Variants in G3BP2 observed in about 807,000 individuals in gnomAD.
The protein encoded by G3BP2 is ras GTPase-activating protein-binding protein 2.
Under a neutral mutation model 56.7 loss-of-function variants are expected in G3BP2, and 11 were observed. The observed-to-expected ratio is 0.19, with a 90% CI of 0.12 to 0.32. G3BP2 has a LOEUF of 0.32. Among genes scored for constraint, G3BP2 ranks in the 10% least tolerant of loss-of-function variants. The pLI is 1.00. For missense variants in G3BP2, 340 were observed against 610.9 expected (o/e 0.56, Z 4.67); for synonymous variants, 165 against 191.6 (o/e 0.86, Z 1.15).
chr4:75,646,588 G>GT, intron 10 of G3BP2, 132 bp from the exon 11 acceptor site: 1 of 660,656 alleles, frequency 1.5e-6, no homozygotes, highest in East Asian at 2.7e-5. Context: ...TCTACACACA[G>GT]TGATAGCCAA....
chr4:75,716,489 G>GT lies in G3BP2; in HGVS notation c.-25+4387dup, dbSNP rs549925089. Among the ~76,000 whole-genome samples the GT allele has an allele frequency of 9.4e-3, 1,368 of 145,530 alleles. 16 individuals carry two copies. The highest frequency in any genetic ancestry group is 0.03 in the African/African-American group (1,195 of 39,298). ...CACACCCGGCCCTCTTCTAGTTCTT[G>GT]TTTTTTTTTGTTTTTCTTTGTTTTG... On this transcript the variant is annotated intron_variant, in intron 3 of 3. Transcript: ENST00000499709.
rs1487995360 is a variant in G3BP2 at position 75,643,392 on chromosome 4, G to C, written c.*2038C>G. 1.8e-4 allele frequency: 27 copies of C among 146,744 alleles called. No individual in the cohort carries two copies. The allele number at this position is 146,744 out of a possible 1,614,324, so 9.1% of individuals were successfully genotyped here. A position where few individuals can be genotyped will look rare whatever the true frequency, so the allele number is the denominator to read the frequency against. On this transcript the variant is annotated 3_prime_UTR_variant, in exon 12 of 12. Coordinates refer to ENST00000359707, the MANE Select transcript of G3BP2 (RefSeq NM_203505.3). ...TAAAACAACTGCTTCTTTAAAAGTA[G>C]TATTAATAAAGGCTTCAAAACTCCA... is the stretch of plus-strand genomic sequence containing the variant.
intron 8 of G3BP2, among the ~76,000 whole-genome samples, chr4:75,652,670 C>A (rs957540532): frequency 2.0e-5 from 3 of 152,166 alleles, no homozygotes; most frequent in Non-Finnish European, 2.9e-5. Context: ...CATATGGACT[C>A]ATGTCCCACT....
At chr4:75,715,102 G>T (rs1719885469) in intron 3 of G3BP2, among the ~76,000 whole-genome samples, 1 of 152,218 alleles carries the variant, frequency 6.6e-6, no homozygotes, top group African/African-American at 2.4e-5. Flanking sequence ...TCTGTATCAT[G>T]CTGAAGTCTA....
At chr4:75,686,577 TG>T (rs71203845) in intron 3 of G3BP2, among the ~76,000 whole-genome samples, 3 of 2,710 alleles carry the variant, frequency 1.1e-3, no homozygotes, top group Non-Finnish European at 1.5e-3. Flanking sequence ...GGGGTGGGGG[TG>T]GGGGGGCGGG....
At chr4:75,711,916 ATTTG>A (rs1719774540) in intron 3 of G3BP2, among the ~76,000 whole-genome samples, 2 of 152,102 alleles carry the variant, frequency 1.3e-5, no homozygotes, top group African/African-American at 4.8e-5. Context: ...CTTCTACTTA[ATTTG>A]TTCCCTAAGT....
At chr4:75,660,382 T>C (rs1732451523) in intron 2 of G3BP2, among the ~76,000 whole-genome samples, 1 of 152,166 alleles carries the variant, frequency 6.6e-6, no homozygotes, top group Non-Finnish European at 1.5e-5. Flanking sequence ...TTACACTTTA[T>C]ATATATACTA....
At chr4:75,662,188 G>A (rs903633207) in intron 1 of G3BP2, 139 bp from the exon 2 acceptor site, 14 of 541,172 alleles carry the variant, frequency 2.6e-5, no homozygotes, top group Non-Finnish European at 4.4e-5. Flanking sequence ...AATAAGTTCT[G>A]ATAACCCACT....
intron 3 of G3BP2, among the ~76,000 whole-genome samples, chr4:75,698,267 G>A (rs1235234037): frequency 6.6e-6 from 1 of 152,204 alleles, no homozygotes; most frequent in Non-Finnish European, 1.5e-5. Flanking sequence ...GAAGCAGCCA[G>A]TGAAGGAGAT....
rs992971724 is a variant in G3BP2 at position 75,643,631 on chromosome 4, C to T, written c.*1799G>A. The T allele has an allele frequency of 6.6e-6, 1 of 152,518 alleles. No homozygotes were observed. Among genetic ancestry groups the T allele is most frequent in the Non-Finnish European group, 1.5e-5 (1 of 68,004 alleles). The allele number at this position is 152,518 out of a possible 1,614,324, so 9.4% of individuals were successfully genotyped here. ...CAGATTTTACTCATATTGCCCAGTA[C>T]ATGAAAAACAAAATACATGCATCAT... On this transcript the variant is annotated 3_prime_UTR_variant, in exon 12 of 12. Transcript: ENST00000359707.
At position 75,671,709 on chromosome 4, in the gene G3BP2, T is replaced by C. The variant is rs149442084; in HGVS notation, c.-25+1499A>G. On this transcript the variant is annotated intron_variant, in intron 1 of 11. Transcript: ENST00000359707. ...GCTTTTCAGAATTAGTTTGTAAAGA[T>C]TAAATCATAACATAAAGGCCCATAA... Among the ~76,000 whole-genome samples the C allele has an allele frequency of 2.3e-3, 344 of 152,268 alleles. 1 individual carries two copies. The highest frequency in any genetic ancestry group is 7.6e-3 in the African/African-American group (314 of 41,562).
chr4:75,691,991 T>C (rs1252988676), intron 3 of G3BP2, among the ~76,000 whole-genome samples: 2 of 152,206 alleles, frequency 1.3e-5, no homozygotes, highest in African/African-American at 4.8e-5. Flanking sequence ...AGTTCTGTGA[T>C]GTGTAAAACT....
At chr4:75,695,732 TG>T (rs762954830) in intron 3 of G3BP2, among the ~76,000 whole-genome samples, 19 of 152,212 alleles carry the variant, frequency 1.2e-4, no homozygotes, top group African/African-American at 1.7e-4. Context: ...CCCAGCATTT[TG>T]GGAGGCCGAG....
intron 3 of G3BP2, among the ~76,000 whole-genome samples, chr4:75,689,591 C>G (rs552369116): frequency 6.6e-6 from 1 of 152,312 alleles, no homozygotes; most frequent in East Asian, 1.9e-4. Flanking sequence ...ATGCTACTAC[C>G]ATTTGTTTTC....
chr4:75,654,548 C>G (rs1255977918), intron 7 of G3BP2, among the ~76,000 whole-genome samples: 1 of 152,176 alleles, frequency 6.6e-6, no homozygotes, highest in Non-Finnish European at 1.5e-5. Flanking sequence ...TATACTTTAA[C>G]CTTTGACTTT....
At chr4:75,662,996 T>C (rs1732687910) in intron 1 of G3BP2, among the ~76,000 whole-genome samples, 1 of 152,242 alleles carries the variant, frequency 6.6e-6, no homozygotes, top group African/African-American at 2.4e-5. Context: ...ATAACTTCAG[T>C]ACTTAGAGAG....
intron 3 of G3BP2, among the ~76,000 whole-genome samples, chr4:75,693,069 C>T (rs1401020170): frequency 2.6e-5 from 4 of 151,790 alleles, no homozygotes; most frequent in African/African-American, 4.8e-5. Context: ...TATGGTGAAA[C>T]CCTGTCTCTA....
At chr4:75,707,347 C>T (rs1045495741) in intron 3 of G3BP2, among the ~76,000 whole-genome samples, 4 of 151,998 alleles carry the variant, frequency 2.6e-5, no homozygotes, top group South Asian at 4.1e-4. Flanking sequence ...TTATCGGCAG[C>T]GCCGTGGCTC....
chr4:75,645,570 G>A lies in G3BP2; in HGVS notation c.1309C>T (p.Pro437Ser). 1 of 1,613,736 alleles carries A rather than the reference G, an allele frequency of 6.2e-7. No homozygotes were observed. The highest frequency in any genetic ancestry group is 8.5e-7 in the Non-Finnish European group (1 of 1,179,940). The change falls in exon 12 of 12, where the codon CCA becomes TCA. Residue 437 changes from proline (P) to serine (S), a missense_variant. Coordinates refer to ENST00000359707, the MANE Select transcript of G3BP2 (RefSeq NM_203505.3). ...ATTCCACCACCCACAATTCCACGTG[G>A]ACCACCGGGACCTCGATCATTGCGC... ...IRRNDRGPGG[P>S]RGIVGGGMMR...
Sources: allele counts gnomAD v4.1 joint callset (sites outside exome capture counted in the v4.1 genomes callset), GRCh38; gene constraint gnomAD v4.1.1; transcripts MANE v1.5; gene names NCBI Gene and HGNC (gene_info 2026-07-23, HGNC 2026-07-21).